The following GRIN2A variants were observed in gnomAD, a reference collection of about 807,000 sequenced individuals.
The protein encoded by GRIN2A is glutamate receptor ionotropic, NMDA 2A.
A neutral mutation model predicts 113.4 loss-of-function variants in GRIN2A; 22 were observed. That is an observed-to-expected ratio of 0.19 (90% CI 0.14 to 0.28). The LOEUF is 0.28. Ranked by LOEUF, GRIN2A falls within the 10% of genes least tolerant of loss-of-function variation. The pLI, the probability that GRIN2A is intolerant of heterozygous loss-of-function variation, is 1.00. For synonymous variants in GRIN2A, 827 were observed against 738.4 expected (o/e 1.12, Z -1.94); for missense variants, 1,502 against 1,887.0 (o/e 0.80, Z 3.78).
intron 2 of GRIN2A, among the ~76,000 whole-genome samples, chr16:10,176,005 T>TC (rs1240041139): frequency 7.0e-6 from 1 of 143,308 alleles, no homozygotes; most frequent in Non-Finnish European, 1.5e-5. Context: ...TTTTCCTTCT[T>TC]TTTTTTTTTT....
chr16:9,997,628 A>G (rs761293964), intron 2 of GRIN2A, among the ~76,000 whole-genome samples: 3 of 152,134 alleles, frequency 2.0e-5, no homozygotes, highest in Non-Finnish European at 4.4e-5. Context: ...ACCTCTGTCT[A>G]TGCATTGATG....
rs147683870 is a variant in GRIN2A, at chr16:10,127,856, G to T, written c.414+52142C>A. 3.3e-3 allele frequency among the ~76,000 whole-genome samples: 502 copies of T among 152,106 alleles called. 2 individuals carry two copies. Among genetic ancestry groups the T allele is most frequent in the African/African-American group, 0.011 (473 of 41,506 alleles). On this transcript the variant is annotated intron_variant, in intron 2 of 12. Transcript: ENST00000330684. Reference sequence around the variant, plus strand: ...AAGAAGTCTGGTCTTTACCCTTGGTGTCTTACTAAGCCCTGGGAATGTCAT... The same window carrying T: ...AAGAAGTCTGGTCTTTACCCTTGGTTTCTTACTAAGCCCTGGGAATGTCAT...
intron 2 of GRIN2A, among the ~76,000 whole-genome samples, chr16:9,974,750 AT>A (rs1192792968): frequency 1.3e-5 from 2 of 152,226 alleles, no homozygotes; most frequent in Admixed American, 1.3e-4. Context: ...AAGATGTTTC[AT>A]GTGATCCCTA....
chr16:10,164,147 G>A (rs1232103886), intron 2 of GRIN2A, among the ~76,000 whole-genome samples: 2 of 152,130 alleles, frequency 1.3e-5, no homozygotes, highest in Non-Finnish European at 2.9e-5. Context: ...CCGGGGTAGG[G>A]GCAACCAGGT....
intron 11 of GRIN2A, among the ~76,000 whole-genome samples, chr16:9,786,383 G>A (rs927449883): frequency 6.6e-6 from 1 of 152,138 alleles, no homozygotes; most frequent in Non-Finnish European, 1.5e-5. Flanking sequence ...GGCTGGGCCT[G>A]CTCCCACGGT....
intron 3 of GRIN2A, among the ~76,000 whole-genome samples, chr16:9,916,545 A>T (rs905891185): frequency 7.2e-5 from 11 of 152,332 alleles, no homozygotes; most frequent in Non-Finnish European, 1.6e-4. Flanking sequence ...ACAGCGATAC[A>T]GTGACAAGTG....
intron 11 of GRIN2A, among the ~76,000 whole-genome samples, chr16:9,778,860 C>A (rs971034): frequency 0.22 from 33,033 of 152,154 alleles, 4,131 homozygotes; most frequent in East Asian, 0.54. Context: ...ACCTTGTAGT[C>A]TCCCCGAGGG....
chr16:10,109,141 C>A (rs1329640318), intron 2 of GRIN2A, among the ~76,000 whole-genome samples: 1 of 151,730 alleles, frequency 6.6e-6, no homozygotes, highest in Non-Finnish European at 1.5e-5. Context: ...ATTAAAAAAC[C>A]CTTATGCCTA....
intron 2 of GRIN2A, among the ~76,000 whole-genome samples, chr16:10,135,176 C>G (rs1336709441): frequency 6.6e-6 from 1 of 152,222 alleles, no homozygotes; most frequent in East Asian, 1.9e-4. Context: ...CTTGCAAGTT[C>G]AGATTTCCAC....
At chr16:9,825,603 T>C (rs1021396270) in intron 9 of GRIN2A, among the ~76,000 whole-genome samples, 70 of 152,302 alleles carry the variant, frequency 4.6e-4, no homozygotes, top group African/African-American at 1.7e-3. Context: ...TAAAAATATC[T>C]ATCTGTCTTC....
At chr16:9,815,726 T>C (rs150104017) in intron 10 of GRIN2A, among the ~76,000 whole-genome samples, 1 of 152,252 alleles carries the variant, frequency 6.6e-6, no homozygotes, top group Non-Finnish European at 1.5e-5. Context: ...TCTCAATAAC[T>C]AAAAATAGAA....
At chr16:9,839,527 A>C (rs963854684) in intron 7 of GRIN2A, among the ~76,000 whole-genome samples, 1 of 152,176 alleles carries the variant, frequency 6.6e-6, no homozygotes, top group Non-Finnish European at 1.5e-5. Context: ...TATACTTTTC[A>C]GACTATTCCT....
chr16:9,843,018 G>A (rs530710183), intron 5 of GRIN2A, among the ~76,000 whole-genome samples: 1 of 149,946 alleles, frequency 6.7e-6, no homozygotes, highest in South Asian at 2.1e-4. Context: ...AGAGAAAAAG[G>A]GGGGAGAGGG....
chr16:9,788,293 G>T, intron 11 of GRIN2A, among the ~76,000 whole-genome samples: 1 of 150,014 alleles, frequency 6.7e-6, no homozygotes, highest in South Asian at 2.1e-4. Context: ...GTCTTGCTCT[G>T]TTGCCCAGGC....
chr16:9,793,209 G>A (rs1902728321), intron 11 of GRIN2A, among the ~76,000 whole-genome samples: 1 of 152,152 alleles, frequency 6.6e-6, no homozygotes, highest in South Asian at 2.1e-4. Context: ...GCTTGGCATA[G>A]TGCTGAACCA....
intron 11 of GRIN2A, among the ~76,000 whole-genome samples, chr16:9,795,497 C>T (rs909845007): frequency 1.9e-4 from 29 of 152,352 alleles, no homozygotes; most frequent in Non-Finnish European, 7.3e-5. Flanking sequence ...CCTTAACTTT[C>T]TTAATAAACT....
chr16:9,790,768 C>A (rs577433706), intron 11 of GRIN2A, among the ~76,000 whole-genome samples: 2 of 152,186 alleles, frequency 1.3e-5, no homozygotes, highest in Non-Finnish European at 2.9e-5. Context: ...GGTATTAAAT[C>A]GATGACATAA....
At chr16:9,854,945 C>A (rs530037461) in intron 4 of GRIN2A, among the ~76,000 whole-genome samples, 2 of 152,118 alleles carry the variant, frequency 1.3e-5, no homozygotes, top group African/African-American at 4.8e-5. Context: ...GGACACCTTG[C>A]CAAACTTCTG....
At chr16:10,037,153 T>A (rs2047052312) in intron 2 of GRIN2A, 1 of 152,180 alleles carries the variant, frequency 6.6e-6, no homozygotes, top group African/African-American at 2.4e-5. Flanking sequence ...TTAGCAGAAG[T>A]AATTTGCCCG....
Sources: allele counts gnomAD v4.1 joint callset (sites outside exome capture counted in the v4.1 genomes callset), GRCh38; gene constraint gnomAD v4.1.1; transcripts MANE v1.5; gene names NCBI Gene and HGNC (gene_info 2026-07-23, HGNC 2026-07-21).